NAA11: variants seen among roughly 807,000 people sequenced by gnomAD.
NAA11 encodes the protein N-alpha-acetyltransferase 11.
In NAA11, 15 loss-of-function variants were observed where a neutral mutation model predicts 16.1. That is an observed-to-expected ratio of 0.93 (90% CI 0.62 to 1.44). The LOEUF (loss-of-function observed/expected upper bound fraction) is 1.44. Among genes scored for constraint, NAA11 ranks in the 40% most tolerant of loss-of-function variants. NAA11 has a pLI of 0.00. For synonymous variants in NAA11, 122 were observed against 112.4 expected (o/e 1.09, Z -0.54); for missense variants, 298 against 291.3 (o/e 1.02, Z -0.17).
chr4:79,285,111 G>T lies in NAA11; in HGVS notation c.*122+8894C>A, dbSNP rs941034033. Among the ~76,000 whole-genome samples the T allele has an allele frequency of 2.0e-5, 3 of 152,050 alleles. No homozygotes were observed. In the South Asian group the frequency reaches 6.2e-4, roughly 32 times the overall value. ...GTCTTAAGTTGCAAGTTGCTTTTAC[G>T]CTAACACCTGTCAGCATGTGAAACA... On this transcript the variant is annotated intron_variant and NMD_transcript_variant, in intron 2 of 2. Coordinates refer to the NAA11 transcript ENST00000511542.
intron 1 of NAA11, among the ~76,000 whole-genome samples, chr4:79,323,192 G>A (rs887176552): frequency 1.3e-5 from 2 of 152,154 alleles, no homozygotes; most frequent in African/African-American, 4.8e-5. Context: ...TTTCATACAT[G>A]TAAGGGTAAG....
At chr4:79,264,863 A>G (rs1382806379) in intron 2 of NAA11, among the ~76,000 whole-genome samples, 1 of 152,076 alleles carries the variant, frequency 6.6e-6, no homozygotes, top group Non-Finnish European at 1.5e-5. Flanking sequence ...GACTATCTCT[A>G]TTCTACTGAA....
At chr4:79,210,795 T>C in the NAA11 span, among the ~76,000 whole-genome samples, 1 of 152,192 alleles carries the variant, frequency 6.6e-6, no homozygotes, top group Non-Finnish European at 1.5e-5. Context: ...AGAAAGGCTC[T>C]GGAGGCAGAT....
the NAA11 span, among the ~76,000 whole-genome samples, chr4:79,209,785 T>A: frequency 6.6e-6 from 1 of 151,996 alleles, no homozygotes; most frequent in African/African-American, 2.4e-5. Context: ...GTGGCTCGCA[T>A]GTATAATCCC....
chr4:79,167,302 C>T, the NAA11 span, among the ~76,000 whole-genome samples: 154 of 108,516 alleles, frequency 1.4e-3, 1 homozygote, highest in African/African-American at 5.3e-3. Flanking sequence ...GAGAGAGAGA[C>T]GTGGTAAGAA....
chr4:79,237,047 C>T (rs1721585669), intron 2 of NAA11, among the ~76,000 whole-genome samples: 1 of 152,156 alleles, frequency 6.6e-6, no homozygotes, highest in South Asian at 2.1e-4. Context: ...TTTCCCCTTT[C>T]TTAGAGTACA....
chr4:79,267,690 G>T (rs1024734590), intron 2 of NAA11, among the ~76,000 whole-genome samples: 1 of 152,102 alleles, frequency 6.6e-6, no homozygotes, highest in Admixed American at 6.6e-5. Flanking sequence ...CAGAATTTCA[G>T]TTCCCATAGT....
intron 2 of NAA11, among the ~76,000 whole-genome samples, chr4:79,247,831 G>A (rs1721876736): frequency 6.6e-6 from 1 of 152,118 alleles, no homozygotes; most frequent in Non-Finnish European, 1.5e-5. Flanking sequence ...GAATCTTGGC[G>A]GCAGAAGACC....
the NAA11 span, among the ~76,000 whole-genome samples, chr4:79,161,932 C>T: frequency 1.1e-4 from 16 of 152,146 alleles, no homozygotes; most frequent in South Asian, 4.1e-4. Context: ...CTGCCCACCT[C>T]GGCGTCCCAA....
chr4:79,284,108 A>G (rs1333484101), intron 2 of NAA11, among the ~76,000 whole-genome samples: 1 of 152,088 alleles, frequency 6.6e-6, no homozygotes, highest in Non-Finnish European at 1.5e-5. Flanking sequence ...TAAACCCAAA[A>G]ACAAAAGTCC....
the NAA11 span, among the ~76,000 whole-genome samples, chr4:79,207,033 T>C: frequency 6.6e-6 from 1 of 152,090 alleles, no homozygotes; most frequent in Admixed American, 6.6e-5. Context: ...GTGCTACTGA[T>C]TTGTATACAT....
At chr4:79,287,104 T>A (rs1421466034) in intron 2 of NAA11, among the ~76,000 whole-genome samples, 4 of 152,162 alleles carry the variant, frequency 2.6e-5, no homozygotes, top group Non-Finnish European at 5.9e-5. Context: ...TACAAAGTGC[T>A]ATGTTAGTGA....
At chr4:79,182,702 T>C in the NAA11 span, among the ~76,000 whole-genome samples, 2 of 152,140 alleles carry the variant, frequency 1.3e-5, no homozygotes, top group African/African-American at 4.8e-5. Context: ...GCATTTATGC[T>C]AGGAAAGAAT....
chr4:79,167,254 CATAT>C, the NAA11 span, among the ~76,000 whole-genome samples: 95 of 112,858 alleles, frequency 8.4e-4, 1 homozygote, highest in African/African-American at 1.3e-3. Flanking sequence ...CACACACCCA[CATAT>C]ATATATATAT....
rs905288630 is a variant in NAA11 at position 79,280,546 on chromosome 4, C to T, written c.*122+13459G>A. ...TGGTTTTTTGTTTGTTTTGTTTTGT[C>T]GTTTCTTCTTGCTCTAGCTTTTCCT... On this transcript the variant is annotated intron_variant and NMD_transcript_variant, in intron 2 of 2. Coordinates refer to the NAA11 transcript ENST00000511542. 2.6e-5 allele frequency among the ~76,000 whole-genome samples: 4 copies of T among 151,778 alleles called. No individual in the cohort carries two copies. In the South Asian group the frequency reaches 8.3e-4, roughly 32 times the overall value.
chr4:79,322,350 T>A (rs1724115948), intron 1 of NAA11, among the ~76,000 whole-genome samples: 1 of 152,200 alleles, frequency 6.6e-6, no homozygotes, highest in South Asian at 2.1e-4. Flanking sequence ...TATTCTTGAA[T>A]TTGTATGCTG....
chr4:79,218,616 G>C, the NAA11 span, among the ~76,000 whole-genome samples: 1 of 151,952 alleles, frequency 6.6e-6, no homozygotes. Context: ...TTTCACCATA[G>C]TTCAATTTTT....
At chr4:79,253,722 A>C (rs1160749095) in intron 2 of NAA11, among the ~76,000 whole-genome samples, 1 of 152,242 alleles carries the variant, frequency 6.6e-6, no homozygotes, top group Admixed American at 6.5e-5. Context: ...GAAAATGGGC[A>C]GTAGTTGTAG....
chr4:79,216,044 C>T, the NAA11 span, among the ~76,000 whole-genome samples: 1 of 152,032 alleles, frequency 6.6e-6, no homozygotes, highest in Admixed American at 6.6e-5. Flanking sequence ...CTGTTCTATT[C>T]TTTATAATCA....
Sources: allele counts gnomAD v4.1 joint callset (sites outside exome capture counted in the v4.1 genomes callset), GRCh38; gene constraint gnomAD v4.1.1; transcripts MANE v1.5; gene names NCBI Gene and HGNC (gene_info 2026-07-23, HGNC 2026-07-21).